Variants in PAH observed in about 807,000 individuals in gnomAD.
PAH encodes phenylalanine hydroxylase, also known as phenylalanine-4-hydroxylase.
PAH carries 64 observed loss-of-function variants against 62.0 expected under a neutral mutation model. The observed-to-expected ratio is 1.03, with a 90% confidence interval of 0.84 to 1.27. PAH has a LOEUF of 1.27. Among genes scored for constraint, PAH ranks in the 50% most tolerant of loss-of-function variants. PAH has a pLI of 0.00. For missense variants in PAH, 579 were observed against 542.8 expected (o/e 1.07, Z -0.66); for synonymous variants, 195 against 196.2 (o/e 0.99, Z 0.05).
At chr12:102,906,911 A>C (rs534984896) in intron 2 of PAH, among the ~76,000 whole-genome samples, 1 of 152,332 alleles carries the variant, frequency 6.6e-6, no homozygotes, top group South Asian at 2.1e-4. Flanking sequence ...CAATATCAAC[A>C]TACTTTTCCA....
intron 1 of PAH, among the ~76,000 whole-genome samples, chr12:102,943,058 G>T (rs61943188): frequency 0.062 from 9,392 of 151,920 alleles, 341 homozygotes; most frequent in Admixed American, 0.1. Context: ...TTAACAAAAA[G>T]AAAAATTGAC....
At chr12:102,905,959 G>C (rs769790862) in intron 2 of PAH, among the ~76,000 whole-genome samples, 16 of 151,900 alleles carry the variant, frequency 1.1e-4, no homozygotes, top group Non-Finnish European at 2.2e-4. Flanking sequence ...AAATGAGAAA[G>C]ACTGGGAGAA....
At chr12:102,923,300 C>T (rs1328357138) in intron 1 of PAH, among the ~76,000 whole-genome samples, 1 of 152,216 alleles carries the variant, frequency 6.6e-6, no homozygotes, top group African/African-American at 2.4e-5. Flanking sequence ...GCCTGATGAG[C>T]ATGAGACTAA....
In PAH at chr12:102,911,183, G is replaced by T. The variant is rs1412254412; in HGVS notation, c.168+1608C>A. 2.0e-5 allele frequency among the ~76,000 whole-genome samples: 3 copies of T among 152,158 alleles called. No homozygotes were observed. The East Asian group carries it at 5.8e-4, about 29-fold the overall frequency. ...AGCAGTTAGAGGGCCAAGGTGCCCA[G>T]GGGAGGAGAGCACAACTAAATGGCA... On this transcript the variant is annotated intron_variant, in intron 2 of 12. Transcript: ENST00000553106.
At chr12:102,920,001 T>C (rs1878514190), upstream of PAH, among the ~76,000 whole-genome samples, 1 of 152,184 alleles carries the variant, frequency 6.6e-6, no homozygotes, top group African/African-American at 2.4e-5. Context: ...GCTCTATTTT[T>C]AGTTTTTTGG....
At chr12:102,853,418 A>G (rs1449972137) in intron 6 of PAH, 2 of 234,962 alleles carry the variant, frequency 8.5e-6, no homozygotes, top group Admixed American at 5.1e-5. Flanking sequence ...CACACAGTCT[A>G]CCCCATAAGT....
intron 11 of PAH, among the ~76,000 whole-genome samples, chr12:102,842,730 C>T (rs527906844): frequency 3.2e-4 from 49 of 152,156 alleles, no homozygotes; most frequent in African/African-American, 1.1e-3. Flanking sequence ...TTCAAAAGTG[C>T]GGATTTCTTT....
chr12:102,922,121 G>C (rs189054167), upstream of PAH, among the ~76,000 whole-genome samples: 66 of 150,964 alleles, frequency 4.4e-4, no homozygotes, highest in East Asian at 6.2e-3. Context: ...ATTTATGATA[G>C]TGTATATGCA....
At chr12:102,904,236 G>A (rs369807635) in intron 2 of PAH, among the ~76,000 whole-genome samples, 13 of 152,082 alleles carry the variant, frequency 8.5e-5, no homozygotes, top group Admixed American at 8.5e-4. Context: ...GTGCAACTGG[G>A]TTCTGAATCC....
intron 5 of PAH, among the ~76,000 whole-genome samples, chr12:102,866,083 G>GAAAAAAAA (rs3062690): frequency 1.4e-5 from 2 of 144,862 alleles, no homozygotes; most frequent in Non-Finnish European, 1.5e-5. Context: ...CCCCAGACAG[G>GAAAAAAAA]AAAAAAAAAA....
chr12:102,871,922 CAAAAAAAAAAAAAAAAA>C (rs1168829038), intron 4 of PAH, among the ~76,000 whole-genome samples: 21 of 115,486 alleles, frequency 1.8e-4, no homozygotes, highest in East Asian at 4.5e-4. Context: ...AACTCTGCCT[CAAAAAAAAAAAAAAAAA>C]AAAAAAAAAA....
intron 5 of PAH, among the ~76,000 whole-genome samples, chr12:102,858,699 T>C (rs536540726): frequency 8.5e-5 from 13 of 152,230 alleles, no homozygotes; most frequent in African/African-American, 2.4e-4. Flanking sequence ...ACATGGAAAC[T>C]GAAGAACCTG....
chr12:102,923,167 A>G (rs565689492), intron 1 of PAH, among the ~76,000 whole-genome samples: 2 of 152,328 alleles, frequency 1.3e-5, no homozygotes, highest in Non-Finnish European at 2.9e-5. Context: ...AAAGATCATC[A>G]GTATCACCTA....
intron 1 of PAH, among the ~76,000 whole-genome samples, chr12:102,933,271 C>CTCCA (rs1296438963): frequency 2.0e-5 from 3 of 152,044 alleles, no homozygotes; most frequent in African/African-American, 7.2e-5. Context: ...ACATAATGAC[C>CTCCA]TCCAGTTCCA....
upstream of PAH, among the ~76,000 whole-genome samples, chr12:102,921,922 T>G (rs1343881999): frequency 6.6e-6 from 1 of 152,178 alleles, no homozygotes; most frequent in African/African-American, 2.4e-5. Flanking sequence ...CTCCAAGTTA[T>G]ATAATTTTTT....
At chr12:102,880,305 G>C (rs11111411) in intron 3 of PAH, among the ~76,000 whole-genome samples, 12,638 of 152,108 alleles carry the variant, frequency 0.083, 1,713 homozygotes, top group African/African-American at 0.28. Flanking sequence ...GGTTTGCATG[G>C]GCTTGAGAAA....
chr12:102,864,531 T>C (rs1875863949), intron 5 of PAH, among the ~76,000 whole-genome samples: 1 of 152,088 alleles, frequency 6.6e-6, no homozygotes, highest in African/African-American at 2.4e-5. Context: ...GGTCAATTTT[T>C]AAAAAGCAAA....
intron 11 of PAH, among the ~76,000 whole-genome samples, chr12:102,841,055 C>A (rs1314420945): frequency 6.6e-6 from 1 of 152,144 alleles, no homozygotes; most frequent in South Asian, 2.1e-4. Flanking sequence ...TTAACCTTCA[C>A]AAAAACCTTA....
intron 6 of PAH, chr12:102,853,370 AG>A: frequency 3.2e-6 from 1 of 314,218 alleles, no homozygotes; most frequent in Non-Finnish European, 6.2e-6. Flanking sequence ...AGAAGGGAAG[AG>A]TATGGATAGA....
Sources: allele counts gnomAD v4.1 joint callset (sites outside exome capture counted in the v4.1 genomes callset), GRCh38; gene constraint gnomAD v4.1.1; transcripts MANE v1.5; gene names NCBI Gene and HGNC (gene_info 2026-07-23, HGNC 2026-07-21).